LRRTM4: variants seen among roughly 807,000 people sequenced by gnomAD.
LRRTM4 encodes the protein leucine-rich repeat transmembrane neuronal protein 4.
A neutral mutation model predicts 47.6 loss-of-function variants in LRRTM4; 25 were observed. The ratio of observed to expected loss-of-function variants is 0.53; its 90% CI spans 0.38 to 0.73. The LOEUF is 0.73. Ranked by LOEUF, LRRTM4 falls within the 30% of genes least tolerant of loss-of-function variation. LRRTM4 has a pLI of 0.00. For synonymous variants in LRRTM4, 311 were observed against 269.5 expected, an observed-to-expected ratio of 1.15 and a Z score of -1.51; for missense variants, 638 against 713.4, an observed-to-expected ratio of 0.89 and a Z score of 1.20.
chr2:77,084,307 A>C (rs1680637144), intron 3 of LRRTM4, among the ~76,000 whole-genome samples: 1 of 152,164 alleles, frequency 6.6e-6, no homozygotes, highest in Admixed American at 6.5e-5. Flanking sequence ...AACCATCTTG[A>C]ACCCCGAAGA....
intron 3 of LRRTM4, among the ~76,000 whole-genome samples, chr2:76,794,442 G>A (rs1209886723): frequency 6.6e-6 from 1 of 152,078 alleles, no homozygotes; most frequent in Non-Finnish European, 1.5e-5. Context: ...CAGCTATTTT[G>A]TTATAGTTGT....
chr2:77,518,402 C>G lies in LRRTM4; in HGVS notation c.1467G>C (p.Lys489Asn). 6.2e-7 allele frequency: 1 copy of G among 1,613,050 alleles called. No individual in the cohort carries two copies. Among genetic ancestry groups the G allele is most frequent in the Non-Finnish European group, 8.5e-7 (1 of 1,179,474 alleles). ...TATCCATGGTCTCAGAGTTTGTAGG[C>G]TTGTAGTCCACATAATACTCCTGTA... ...SPLQEYYVDY[K>N]PTNSETMDIS... The change falls in exon 3 of 4, where the codon AAG (lysine) becomes AAC (asparagine). Residue 489 changes from lysine (K) to asparagine (N), a missense_variant. Lys to Asn is a moderately conservative substitution (Grantham distance 94). Coordinates refer to ENST00000409884, the MANE Select transcript of LRRTM4 (RefSeq NM_001134745.3).
At chr2:77,475,172 C>T (rs1401007383) in intron 3 of LRRTM4, among the ~76,000 whole-genome samples, 1 of 152,028 alleles carries the variant, frequency 6.6e-6, no homozygotes, top group African/African-American at 2.4e-5. Context: ...GACTAATATA[C>T]CAAGTGTGTT....
Position 77,318,000 on chromosome 2 carries a change from C to CTTT in LRRTM4, c.1551+200315_1551+200317dup, listed in dbSNP as rs61212194. Among the ~76,000 whole-genome samples, 137 of 99,778 alleles carry CTTT rather than the reference C, an allele frequency of 1.4e-3. 2 individuals are homozygous for CTTT. Among genetic ancestry groups the CTTT allele is most frequent in the African/African-American group, 2.4e-3 (55 of 23,046 alleles). 65.5% of individuals were successfully genotyped at this position (99,778 alleles called of 152,430 possible). A position where few individuals can be genotyped will look rare whatever the true frequency, so the allele number is the denominator to read the frequency against. Reference sequence around the variant, plus strand: ...AACATTTTCCTTTAAATTCCTAACACTTTTTTTTTTTTTTTTTTTTTTTTT... The same window carrying CTTT: ...AACATTTTCCTTTAAATTCCTAACACTTTTTTTTTTTTTTTTTTTTTTTTTTTT... On this transcript the variant is annotated intron_variant, in intron 3 of 3. Coordinates refer to ENST00000409884, the MANE Select transcript of LRRTM4 (RefSeq NM_001134745.3).
chr2:76,961,564 A>C (rs1309129504), intron 3 of LRRTM4, among the ~76,000 whole-genome samples: 1 of 151,390 alleles, frequency 6.6e-6, no homozygotes, highest in Admixed American at 6.6e-5. Context: ...ATCCTGGGCA[A>C]CCTAAGCACT....
intron 3 of LRRTM4, among the ~76,000 whole-genome samples, chr2:76,848,070 A>G (rs11126573): frequency 0.38 from 58,092 of 151,816 alleles, 12,185 homozygotes; most frequent in East Asian, 0.63. Context: ...CTCATTCTTC[A>G]TTCTTTCCTT....
intron 3 of LRRTM4, among the ~76,000 whole-genome samples, chr2:77,023,448 C>A (rs1292252011): frequency 6.6e-6 from 1 of 152,206 alleles, no homozygotes; most frequent in African/African-American, 2.4e-5. Flanking sequence ...ATGGAATTTT[C>A]TTTTCTACCA....
intron 3 of LRRTM4, among the ~76,000 whole-genome samples, chr2:77,089,059 G>A (rs1680831171): frequency 6.6e-6 from 1 of 152,074 alleles, no homozygotes; most frequent in Non-Finnish European, 1.5e-5. Flanking sequence ...ACACCTCTCT[G>A]ATTATACGCC....
intron 3 of LRRTM4, among the ~76,000 whole-genome samples, chr2:77,361,184 AT>A (rs1331019243): frequency 1.3e-5 from 2 of 151,232 alleles, no homozygotes; most frequent in African/African-American, 2.4e-5. Flanking sequence ...CTCAATTCTC[AT>A]GTGTTTCACC....
chr2:77,353,491 A>T (rs1337313125), intron 3 of LRRTM4, among the ~76,000 whole-genome samples: 1 of 152,142 alleles, frequency 6.6e-6, no homozygotes, highest in Non-Finnish European at 1.5e-5. Flanking sequence ...TTAGGCTTTC[A>T]GATGCTTTCC....
At chr2:77,468,278 G>A (rs1423243663) in intron 3 of LRRTM4, among the ~76,000 whole-genome samples, 7 of 151,888 alleles carry the variant, frequency 4.6e-5, no homozygotes, top group Non-Finnish European at 8.8e-5. Context: ...GTGTTCTCGT[G>A]TGACAAATAT....
intron 3 of LRRTM4, among the ~76,000 whole-genome samples, chr2:77,364,454 C>A (rs1435711089): frequency 6.6e-6 from 1 of 152,058 alleles, no homozygotes; most frequent in Non-Finnish European, 1.5e-5. Flanking sequence ...CACTTACAGG[C>A]AAAACCTATT....
intron 3 of LRRTM4, among the ~76,000 whole-genome samples, chr2:77,359,712 T>C (rs1209817964): frequency 6.6e-6 from 1 of 152,178 alleles, no homozygotes; most frequent in Non-Finnish European, 1.5e-5. Flanking sequence ...TCTGCCACTA[T>C]ACACAATTGC....
chr2:77,400,842 A>G (rs969881876), intron 3 of LRRTM4, among the ~76,000 whole-genome samples: 1 of 151,748 alleles, frequency 6.6e-6, no homozygotes, highest in African/African-American at 2.4e-5. Flanking sequence ...CCCAACCCCT[A>G]TCTGTTGTTG....
intron 3 of LRRTM4, among the ~76,000 whole-genome samples, chr2:77,210,769 A>C (rs1464082071): frequency 6.6e-6 from 1 of 152,170 alleles, no homozygotes; most frequent in Non-Finnish European, 1.5e-5. Flanking sequence ...ACCTGAGGCC[A>C]TTCAGCTAAT....
chr2:76,921,904 A>G (rs2103809985), intron 3 of LRRTM4, among the ~76,000 whole-genome samples: 1 of 152,230 alleles, frequency 6.6e-6, no homozygotes, highest in Admixed American at 6.5e-5. Context: ...TTCTGTGTGT[A>G]TATCCAAGGA....
chr2:77,378,116 A>G (rs541195373), intron 3 of LRRTM4, among the ~76,000 whole-genome samples: 2 of 151,988 alleles, frequency 1.3e-5, no homozygotes, highest in African/African-American at 4.8e-5. Flanking sequence ...TACAAATTAC[A>G]AGATCTACTC....
At chr2:77,452,005 G>C (rs1234067783) in intron 3 of LRRTM4, among the ~76,000 whole-genome samples, 1 of 152,162 alleles carries the variant, frequency 6.6e-6, no homozygotes, top group Non-Finnish European at 1.5e-5. Flanking sequence ...GTAATGAGGG[G>C]AGTTGGAGAA....
chr2:77,098,990 G>A lies in LRRTM4; in HGVS notation c.1552-350074C>T, dbSNP rs143389335. On this transcript the variant is annotated intron_variant, in intron 3 of 3. Coordinates refer to ENST00000409884, the MANE Select transcript of LRRTM4 (RefSeq NM_001134745.3). ...GTCTGAAAGTGTCAAATAATGGGGA[G>A]TAAGTGGAACCATGGAAAATTATAC... Among the ~76,000 whole-genome samples, 177 of 152,014 alleles carry A rather than the reference G, an allele frequency of 1.2e-3. 1 individual carries two copies. Among genetic ancestry groups the A allele is most frequent in the African/African-American group, 3.9e-3 (163 of 41,560 alleles).
Sources: gnomAD v4.1 joint callset for allele counts (sites outside exome capture counted in the v4.1 genomes callset) on GRCh38, gnomAD v4.1.1 for gene constraint, MANE v1.5 for transcripts, NCBI Gene and HGNC (gene_info 2026-07-23, HGNC 2026-07-21) for gene names.